DNAAF6: variants seen among roughly 807,000 people sequenced by gnomAD.
DNAAF6 encodes the protein dynein axonemal assembly factor 6, also known as PIH1 domain containing 3.
Under a neutral mutation model 13.7 loss-of-function variants are expected in DNAAF6, and 3 were observed. The observed-to-expected ratio is 0.22, with a 90% CI of 0.10 to 0.56. The LOEUF (loss-of-function observed/expected upper bound fraction) is 0.56. DNAAF6 is among the 20% of genes least tolerant of loss of function. The pLI, the probability that DNAAF6 is intolerant of heterozygous loss-of-function variation, is 0.92. For missense variants in DNAAF6, 130 were observed against 151.0 expected (o/e 0.86, Z 0.73); for synonymous variants, 54 against 49.2 (o/e 1.10, Z -0.41).
intron 2 of DNAAF6, 43 bp from the exon 3 acceptor site, chrX:107,216,628 C>G (rs779910057): frequency 2.1e-6 from 2 of 965,453 alleles, no homozygotes; most frequent in Non-Finnish European, 2.9e-6. Context: ...ATAGGTTATA[C>G]AAGTATTAAT....
intron 2 of DNAAF6, among the ~76,000 whole-genome samples, chrX:107,215,292 A>G (rs1474894394): frequency 9.0e-6 from 1 of 111,483 alleles, no homozygotes; most frequent in African/African-American, 3.3e-5. Context: ...AGAATGTCCA[A>G]GGTTTTACTT....
intron 3 of DNAAF6, among the ~76,000 whole-genome samples, chrX:107,218,463 T>G (rs1437261844): frequency 9.0e-6 from 1 of 111,487 alleles, no homozygotes; most frequent in African/African-American, 3.2e-5. Context: ...TATAAAAATA[T>G]TTTTAAATAT....
At chrX:107,242,673 G>C (rs1192758443) in intron 6 of DNAAF6, among the ~76,000 whole-genome samples, 3 of 112,497 alleles carry the variant, frequency 2.7e-5, no homozygotes, top group Non-Finnish European at 5.6e-5. Context: ...CAGAAGCAAG[G>C]AGAGAGAAGC....
Position 107,222,111 on chromosome X carries a change from C to A in DNAAF6, c.333-634C>A, listed in dbSNP as rs1367585527. ...AAAACCTTTCATTACACTCAGAATTCTGTAAGACTAGATTCTAAGCACTAT... is the reference window on the plus strand; with the variant it reads ...AAAACCTTTCATTACACTCAGAATTATGTAAGACTAGATTCTAAGCACTAT... On this transcript the variant is annotated intron_variant, in intron 4 of 6. Transcript: ENST00000372453. Among the ~76,000 whole-genome samples, 3 of 110,740 alleles carry A rather than the reference C, an allele frequency of 2.7e-5. No homozygotes were observed. In the East Asian group the frequency reaches 8.5e-4, roughly 31 times the overall value.
intron 5 of DNAAF6, among the ~76,000 whole-genome samples, chrX:107,238,659 T>A (rs1928568323): frequency 8.9e-6 from 1 of 111,885 alleles, no homozygotes; most frequent in African/African-American, 3.2e-5. Flanking sequence ...ACCAAAGTGT[T>A]TCTGTATAGC....
chrX:107,218,828 G>A, intron 3 of DNAAF6, 36 bp from the exon 4 acceptor site: 1 of 1,156,056 alleles, frequency 8.7e-7, no homozygotes. Context: ...AAGGAAAAAA[G>A]CATGAGCTTC....
At chrX:107,225,135 C>T (rs1337564493) in intron 5 of DNAAF6, among the ~76,000 whole-genome samples, 1 of 108,691 alleles carries the variant, frequency 9.2e-6, no homozygotes, top group Non-Finnish European at 1.9e-5. Flanking sequence ...GAGTAAGTGT[C>T]GGTAATAATG....
intron 5 of DNAAF6, among the ~76,000 whole-genome samples, chrX:107,238,389 C>T (rs1354159362): frequency 1.8e-5 from 2 of 110,987 alleles, no homozygotes; most frequent in Non-Finnish European, 3.8e-5. Flanking sequence ...AATATGTTGT[C>T]CTTTTGGGGA....
rs191709015 is a variant in DNAAF6 at position 107,230,854 on chromosome X, T to C, written c.429+8013T>C. Among the ~76,000 whole-genome samples, 667 of 111,929 alleles carry C rather than the reference T, an allele frequency of 6.0e-3. 4 individuals are homozygous for C. Among genetic ancestry groups the C allele is most frequent in the African/African-American group, 0.02 (603 of 30,878 alleles). ...GTGACACTTTCTTCCTTGTTTGTTA[T>C]GTTCTGCTTATCCTGACCTTCTTTT... On this transcript the variant is annotated intron_variant, in intron 5 of 6. Coordinates refer to ENST00000372453, the MANE Select transcript of DNAAF6 (RefSeq NM_173494.2).
chrX:107,223,225 C>A (rs1928186604), intron 5 of DNAAF6, among the ~76,000 whole-genome samples: 1 of 111,559 alleles, frequency 9.0e-6, no homozygotes, highest in East Asian at 2.8e-4. Context: ...TGAAGTATCT[C>A]CTTCCCCGCA....
intron 1 of DNAAF6, among the ~76,000 whole-genome samples, chrX:107,208,577 G>A (rs1243840151): frequency 3.8e-5 from 4 of 103,923 alleles, no homozygotes; most frequent in Non-Finnish European, 7.8e-5. Flanking sequence ...TCGCTCTGTC[G>A]CCCAGGCTGG....
chrX:107,239,098 C>T, intron 6 of DNAAF6, 91 bp downstream of exon 6: 1 of 1,066,858 alleles, frequency 9.4e-7, no homozygotes, highest in Non-Finnish European at 1.2e-6. Context: ...TATTTTGTAT[C>T]ACCCCTAAAG....
At chrX:107,236,449 A>G (rs1448537822) in intron 5 of DNAAF6, among the ~76,000 whole-genome samples, 1 of 111,708 alleles carries the variant, frequency 9.0e-6, no homozygotes, top group Non-Finnish European at 1.9e-5. Context: ...TATTTGTTTT[A>G]AAGTATTGCT....
chrX:107,235,643 C>G (rs1269811341), intron 5 of DNAAF6, among the ~76,000 whole-genome samples: 1 of 111,483 alleles, frequency 9.0e-6, no homozygotes, highest in Non-Finnish European at 1.9e-5. Flanking sequence ...CTTCAGATGT[C>G]TACAACCACA....
intron 5 of DNAAF6, among the ~76,000 whole-genome samples, chrX:107,231,172 C>T (rs969866257): frequency 7.2e-5 from 8 of 111,456 alleles, no homozygotes; most frequent in Admixed American, 2.9e-4. Context: ...TTTGAAACAA[C>T]GTGATGGAAC....
chrX:107,210,807 G>C (rs1465251293), intron 1 of DNAAF6, among the ~76,000 whole-genome samples: 1 of 111,477 alleles, frequency 9.0e-6, no homozygotes, highest in African/African-American at 3.3e-5. Flanking sequence ...AAGGTACAAA[G>C]GCAGGAAATT....
intron 1 of DNAAF6, among the ~76,000 whole-genome samples, chrX:107,210,134 T>A (rs918370287): frequency 9.0e-6 from 1 of 111,376 alleles, no homozygotes; most frequent in African/African-American, 3.3e-5. Context: ...CCCCAAGTAC[T>A]CAGGTTAATG....
intron 4 of DNAAF6, among the ~76,000 whole-genome samples, chrX:107,220,815 A>C (rs187627329): frequency 8.9e-4 from 100 of 112,086 alleles, no homozygotes; most frequent in African/African-American, 3.1e-3. Context: ...AGCTTGGGTG[A>C]CTGAGGAAAT....
In DNAAF6 at chrX:107,239,670, A is replaced by G. The variant is rs1193485326; in HGVS notation, c.515+663A>G. On this transcript the variant is annotated intron_variant, in intron 6 of 6. Transcript: ENST00000372453. ...CAAGAAAATGACAAGAAGATCCTTC[A>G]TACAAAAGATTCCTATGTGTAAACA... Among the ~76,000 whole-genome samples the G allele has an allele frequency of 4.5e-5, 5 of 111,836 alleles. No individual in the cohort carries two copies. The Admixed American group carries it at 4.8e-4, about 11-fold the overall frequency.
Sources: allele counts gnomAD v4.1 joint callset (sites outside exome capture counted in the v4.1 genomes callset), GRCh38; gene constraint gnomAD v4.1.1; transcripts MANE v1.5; gene names NCBI Gene and HGNC (gene_info 2026-07-23, HGNC 2026-07-21).